UNC45A: variants seen among roughly 807,000 people sequenced by gnomAD.
UNC45A encodes the protein unc-45 myosin chaperone A, also known as protein unc-45 homolog A.
A neutral mutation model predicts 103.2 loss-of-function variants in UNC45A; 78 were observed. That is an observed-to-expected ratio of 0.76 (90% confidence interval 0.63 to 0.91). UNC45A has a LOEUF of 0.91. Ranked by LOEUF, UNC45A falls within the 40% of genes least tolerant of loss-of-function variation. UNC45A has a pLI of 0.00. For synonymous variants in UNC45A, 495 were observed against 504.6 expected, an observed-to-expected ratio of 0.98 and a Z score of 0.25; for missense variants, 1,193 against 1,224.8, an observed-to-expected ratio of 0.97 and a Z score of 0.39.
At chr15:90,937,968 A>AT (rs146840457) in intron 4 of UNC45A, among the ~76,000 whole-genome samples, 3 of 151,772 alleles carry the variant, frequency 2.0e-5, no homozygotes, top group African/African-American at 7.3e-5. Flanking sequence ...TAATTTTTAT[A>AT]TTTTTTGTAG....
chr15:90,950,024 G>T (rs1330314087), intron 15 of UNC45A, 130 bp from the exon 16 acceptor site: 9 of 825,272 alleles, frequency 1.1e-5, no homozygotes, highest in Non-Finnish European at 1.5e-5. Flanking sequence ...TGGATGCAGA[G>T]GGTCTGCACA....
intron 5 of UNC45A, 25 bp downstream of exon 5, chr15:90,939,848 G>A: frequency 6.2e-7 from 1 of 1,609,406 alleles, no homozygotes; most frequent in Non-Finnish European, 8.5e-7. Context: ...CTGAGTCAGT[G>A]AGTGAGCTCC....
In UNC45A at chr15:90,939,788, G is replaced by A. The variant is rs757972918; in HGVS notation, c.484G>A (p.Asp162Asn). The stretch of plus-strand genomic sequence containing the variant: ...GGAACAGATGTTTCAGATACTGTTG[G>A]ACCCAGAAGAGAAGGGCACTGAGAA... Reference protein sequence around the residue: ...KVEQMFQILLDPEEKGTEKKQ... With the variant: ...KVEQMFQILLNPEEKGTEKKQ... Residue 162 changes from aspartate (D) to asparagine (N), a missense_variant, in exon 5 of 20, where the codon GAC (aspartate) becomes AAC (asparagine). By Grantham distance (23) the Asp-to-Asn change is conservative (BLOSUM62 1). Coordinates refer to ENST00000418476, the MANE Select transcript of UNC45A (RefSeq NM_018671.5). The A allele has an allele frequency of 3.1e-6, 5 of 1,614,074 alleles. No homozygotes were observed. The Admixed American group carries it at 5.0e-5, about 16-fold the overall frequency.
chr15:90,948,266 C>T lies in UNC45A; in HGVS notation c.1720C>T (p.Leu574=), dbSNP rs142557047. 11 of 1,613,836 alleles carry T rather than the reference C, an allele frequency of 6.8e-6. No individual in the cohort carries two copies. The African/African-American group carries it at 1.3e-4, about 20-fold the overall frequency. The change falls in exon 12 of 20, where the codon CTG becomes TTG. Residue 574 remains leucine, a synonymous_variant. Coordinates refer to ENST00000418476, the MANE Select transcript of UNC45A (RefSeq NM_018671.5). ...GGAGGATGCGGCTGCTCTGAAAGCT[C>T]TGTTCCAGCTCAGCAGGGTAGCTCT... The part of the protein sequence containing the change: ...FVEDAAALKA[L]FQLSRLEERS...
At chr15:90,941,119 A>G (rs2151360274) in intron 6 of UNC45A, 1 of 152,292 alleles carries the variant, frequency 6.6e-6, no homozygotes, top group Non-Finnish European at 1.5e-5. Context: ...TCCTGCAGCC[A>G]ACTCACAAAA....
Position 90,944,946 on chromosome 15 carries a change from T to A in UNC45A, c.1082T>A (p.Leu361His). The A allele has an allele frequency of 6.2e-7, 1 of 1,612,576 alleles. No individual in the cohort carries two copies. ...TCTCTACAGGACCCTCCTGGGGAGC[T>A]CGCAGTGACCGCAAACAGCCGCATG... ...GGSLQDPPGE[L>H]AVTANSRMSA... The change falls in exon 9 of 20, where the codon CTC (leucine) becomes CAC (histidine). Residue 361 changes from leucine to histidine, a missense_variant. Coordinates refer to ENST00000418476, the MANE Select transcript of UNC45A (RefSeq NM_018671.5).
chr15:90,953,183 A>G lies in UNC45A; in HGVS notation c.2450A>G (p.Asn817Ser). The stretch of plus-strand genomic sequence containing the variant: ...CAGGACCTCTTCGAAGCCCAGGGCA[A>G]TGACCGACTGAAGCTGCTGGTGCTG... ...EVQDLFEAQG[N>S]DRLKLLVLYS... The change falls in exon 19 of 20, where the codon AAT (asparagine) becomes AGT (serine). Residue 817 changes from asparagine (N) to serine (S), a missense_variant. Asn to Ser is a conservative substitution (Grantham distance 46). Transcript: ENST00000418476. The G allele has an allele frequency of 6.2e-7, 1 of 1,613,870 alleles. No homozygotes were observed. Among genetic ancestry groups the G allele is most frequent in the Non-Finnish European group, 8.5e-7 (1 of 1,179,966 alleles).
chr15:90,948,096 C>T (rs375396677), intron 11 of UNC45A, 46 bp from the exon 12 acceptor site: 61 of 1,609,796 alleles, frequency 3.8e-5, no homozygotes, highest in East Asian at 1.8e-4. Context: ...TGTACCCCTC[C>T]GTACCCCCAA....
At chr15:90,945,175 G>A in intron 9 of UNC45A, 112 bp downstream of exon 9, 1 of 1,407,226 alleles carries the variant, frequency 7.1e-7, no homozygotes, top group East Asian at 2.4e-5. Context: ...ATCTTGGGGA[G>A]GACTAGTTGG....
chr15:90,950,300 CCT>C (rs1567161854), intron 16 of UNC45A, 33 bp downstream of exon 16: 1 of 1,548,480 alleles, frequency 6.5e-7, no homozygotes, highest in Middle Eastern at 1.7e-4. Context: ...CTTTCCACTC[CCT>C]CTGTCCCTGA....
upstream of UNC45A, chr15:90,933,558 G>A (rs568026826): frequency 6.5e-6 from 1 of 152,682 alleles, no homozygotes; most frequent in South Asian, 2.1e-4. Context: ...CTAATGAAAG[G>A]AGTCACCCTT....
chr15:90,949,734 C>T lies in UNC45A; in HGVS notation c.2073+14C>T, dbSNP rs2036787505. Reference sequence around the variant, plus strand: ...GGAGGCGGCAGGGTAAGCTGGTTTACACACCCCTTCCTGATGGCTGAGCCA... The same window carrying T: ...GGAGGCGGCAGGGTAAGCTGGTTTATACACCCCTTCCTGATGGCTGAGCCA... On this transcript the variant is annotated intron_variant, in intron 15 of 19. Coordinates refer to ENST00000418476, the MANE Select transcript of UNC45A (RefSeq NM_018671.5). 14 of 1,613,670 alleles carry T rather than the reference C, an allele frequency of 8.7e-6. No homozygotes were observed. Among genetic ancestry groups the T allele is most frequent in the Admixed American group, 1.7e-5 (1 of 60,000 alleles).
chr15:90,932,526 C>G (rs764311438), upstream of UNC45A: 740 of 1,271,622 alleles, frequency 5.8e-4, no homozygotes, highest in Non-Finnish European at 7.1e-4. Flanking sequence ...GCAGCTGCGC[C>G]GCCTCAGAGC....
chr15:90,939,930 C>A, intron 5 of UNC45A, 107 bp downstream of exon 5: 2 of 1,080,266 alleles, frequency 1.9e-6, no homozygotes, highest in Non-Finnish European at 2.7e-6. Context: ...AATCGTGCAG[C>A]TGGGCTCACG....
chr15:90,940,328 T>A lies in UNC45A; in HGVS notation c.542T>A (p.Leu181Gln). Residue 181 changes from leucine (L) to glutamine (Q), a missense_variant, in exon 6 of 20, where the codon CTG becomes CAG. Leu to Gln is a moderately radical substitution (Grantham distance 113). Coordinates refer to ENST00000418476, the MANE Select transcript of UNC45A (RefSeq NM_018671.5). ...KQKASQNLVV[L>Q]AREDAGAEKI... ...CAGGCTTCTCAGAACCTGGTGGTGCTGGCCAGGGAGGATGCTGGAGCGGAG... is the reference window on the plus strand; with the variant it reads ...CAGGCTTCTCAGAACCTGGTGGTGCAGGCCAGGGAGGATGCTGGAGCGGAG... 6.2e-7 allele frequency: 1 copy of A among 1,613,760 alleles called. No homozygotes were observed. The highest frequency in any genetic ancestry group is 8.5e-7 in the Non-Finnish European group (1 of 1,179,782).
chr15:90,950,420 G>T, intron 16 of UNC45A, 80 bp from the exon 17 acceptor site: 3 of 1,511,656 alleles, frequency 2.0e-6, no homozygotes, highest in Non-Finnish European at 2.7e-6. Flanking sequence ...CTCTCTTGGG[G>T]GTGGGCTTCT....
At chr15:90,931,192 GGA>G, upstream of UNC45A, 1 of 1,485,974 alleles carries the variant, frequency 6.7e-7, no homozygotes, top group African/African-American at 1.4e-5. Context: ...AGGGAGCTCA[GGA>G]GACACAGAAA....
intron 9 of UNC45A, among the ~76,000 whole-genome samples, chr15:90,945,738 T>A (rs1050999050): frequency 1.3e-5 from 2 of 150,604 alleles, no homozygotes; most frequent in Non-Finnish European, 2.9e-5. Flanking sequence ...GTTCAAGCAA[T>A]TCTCCTGCCT....
chr15:90,932,901 G>C (rs1271745148), upstream of UNC45A: 3 of 222,220 alleles, frequency 1.4e-5, no homozygotes, highest in Non-Finnish European at 2.6e-5. Flanking sequence ...ATGGGAGCGG[G>C]AAGAAAGAAC....
Sources: allele counts gnomAD v4.1 joint callset (sites outside exome capture counted in the v4.1 genomes callset), GRCh38; gene constraint gnomAD v4.1.1; transcripts MANE v1.5; gene names NCBI Gene and HGNC (gene_info 2026-07-23, HGNC 2026-07-21).